PKIB: variants seen among roughly 807,000 people sequenced by gnomAD.
The protein encoded by PKIB is PKI-beta.
A neutral mutation model predicts 4.5 loss-of-function variants in PKIB; 2 were observed. The observed-to-expected ratio is 0.44, with a 90% confidence interval of 0.18 to 1.39. The LOEUF (loss-of-function observed/expected upper bound fraction) is 1.39, where lower values mean the gene tolerates loss of function less well. Ranked by LOEUF, PKIB falls within the 40% of genes most tolerant of loss-of-function variation. PKIB has a pLI of 0.27. For missense variants in PKIB, 94 were observed against 92.6 expected, an observed-to-expected ratio of 1.02 and a Z score of -0.06; for synonymous variants, 38 against 36.0, an observed-to-expected ratio of 1.06 and a Z score of -0.20.
intron 3 of PKIB, chr6:122,701,373 C>G (rs2115027714): frequency 7.5e-7 from 1 of 1,337,612 alleles, no homozygotes; most frequent in East Asian, 2.5e-5. Context: ...GAGCTCTAGC[C>G]TGAGCTCTGG....
intron 3 of PKIB, among the ~76,000 whole-genome samples, chr6:122,589,301 T>C (rs1773947794): frequency 6.6e-6 from 1 of 152,164 alleles, no homozygotes; most frequent in Non-Finnish European, 1.5e-5. Context: ...ATACCTATGT[T>C]TGGCAAAAAC....
At chr6:122,494,374 A>G (rs879372257) in intron 2 of PKIB, among the ~76,000 whole-genome samples, 1 of 152,188 alleles carries the variant, frequency 6.6e-6, no homozygotes. Context: ...ACAATATGGA[A>G]CTTCTTCCTG....
chr6:122,591,151 G>C (rs1033623834), intron 3 of PKIB, among the ~76,000 whole-genome samples: 2 of 148,124 alleles, frequency 1.4e-5, no homozygotes, highest in African/African-American at 4.9e-5. Flanking sequence ...CTTAAAAATT[G>C]TATAGCAAGG....
intron 2 of PKIB, among the ~76,000 whole-genome samples, chr6:122,638,465 G>A (rs371051185): frequency 1.3e-5 from 2 of 152,022 alleles, no homozygotes; most frequent in South Asian, 2.1e-4. Flanking sequence ...TGGCCAATGC[G>A]TTGACTCCTG....
intron 2 of PKIB, among the ~76,000 whole-genome samples, chr6:122,575,997 C>T (rs1194033206): frequency 6.6e-6 from 1 of 152,148 alleles, no homozygotes; most frequent in Non-Finnish European, 1.5e-5. Flanking sequence ...CAACAGTACA[C>T]ACTACACAAT....
chr6:122,684,956 T>C (rs535546652), intron 3 of PKIB, among the ~76,000 whole-genome samples: 98 of 152,298 alleles, frequency 6.4e-4, no homozygotes, highest in Admixed American at 3.0e-3. Flanking sequence ...AAATGTACAT[T>C]GCAATCTTAA....
At chr6:122,611,992 A>G (rs751029975) in intron 1 of PKIB, among the ~76,000 whole-genome samples, 1 of 152,198 alleles carries the variant, frequency 6.6e-6, no homozygotes, top group African/African-American at 2.4e-5. Flanking sequence ...TTAGTAATGG[A>G]CTTCTCAATC....
In PKIB at chr6:122,680,761, G is replaced by T. The variant is rs116159852; in HGVS notation, c.-9+5617G>T. Among the ~76,000 whole-genome samples, 857 of 152,214 alleles carry T rather than the reference G, an allele frequency of 5.6e-3. 9 individuals carry two copies. The highest frequency in any genetic ancestry group is 0.018 in the African/African-American group (750 of 41,528). Reference sequence around the variant, plus strand: ...ATCCCTCAGTTGAAATACTGCAATTGCCTCCTAACTCATCTCTTGAACCAA... The same window carrying T: ...ATCCCTCAGTTGAAATACTGCAATTTCCTCCTAACTCATCTCTTGAACCAA... On this transcript the variant is annotated intron_variant, in intron 3 of 4. Coordinates refer to ENST00000368452, the MANE Select transcript of PKIB (RefSeq NM_181795.3).
At chr6:122,673,552 G>C (rs1372325178) in intron 2 of PKIB, among the ~76,000 whole-genome samples, 1 of 152,204 alleles carries the variant, frequency 6.6e-6, no homozygotes, top group Non-Finnish European at 1.5e-5. Flanking sequence ...CAGACAAAGA[G>C]TGAGAGGAAG....
intron 3 of PKIB, among the ~76,000 whole-genome samples, chr6:122,705,191 G>C (rs915970190): frequency 6.6e-6 from 1 of 152,008 alleles, no homozygotes; most frequent in Non-Finnish European, 1.5e-5. Context: ...ATCTAATTTT[G>C]TGGTGCCTTT....
intron 4 of PKIB, 49 bp downstream of exon 4, chr6:122,718,012 CCAAG>C: frequency 6.4e-7 from 1 of 1,561,520 alleles, no homozygotes; most frequent in Non-Finnish European, 8.7e-7. Context: ...CCCTTCTTAA[CCAAG>C]CCTTTTCTCT....
chr6:122,639,288 A>G (rs1776039965), intron 2 of PKIB, among the ~76,000 whole-genome samples: 1 of 152,232 alleles, frequency 6.6e-6, no homozygotes, highest in Admixed American at 6.5e-5. Context: ...GGAGCAGAAC[A>G]CACAGATACC....
intron 3 of PKIB, among the ~76,000 whole-genome samples, chr6:122,710,507 T>C (rs934108225): frequency 6.6e-6 from 1 of 152,150 alleles, no homozygotes; most frequent in African/African-American, 2.4e-5. Context: ...TTGTGTACAA[T>C]AGTAGTTGGA....
At chr6:122,634,950 A>G (rs1355177487) in intron 2 of PKIB, among the ~76,000 whole-genome samples, 1 of 151,962 alleles carries the variant, frequency 6.6e-6, no homozygotes, top group Non-Finnish European at 1.5e-5. Context: ...TCAAAGAAAA[A>G]AAAAAAAAGA....
chr6:122,723,089 C>T (rs143919524), intron 4 of PKIB, among the ~76,000 whole-genome samples: 325 of 152,310 alleles, frequency 2.1e-3, no homozygotes, highest in Non-Finnish European at 3.9e-3. Context: ...GCTCCTCCTT[C>T]AGCTTTTCTT....
intron 2 of PKIB, among the ~76,000 whole-genome samples, chr6:122,562,546 A>G (rs1022332036): frequency 6.6e-6 from 1 of 152,172 alleles, no homozygotes; most frequent in African/African-American, 2.4e-5. Context: ...TCCCCCAAAT[A>G]TGTTTTCCAA....
chr6:122,633,725 A>G (rs1362391993), intron 2 of PKIB, among the ~76,000 whole-genome samples: 1 of 152,182 alleles, frequency 6.6e-6, no homozygotes, highest in Non-Finnish European at 1.5e-5. Context: ...CCTTTAAAAT[A>G]GAAGAGAAAT....
chr6:122,580,242 C>T (rs1171439248), intron 2 of PKIB, among the ~76,000 whole-genome samples: 2 of 152,034 alleles, frequency 1.3e-5, no homozygotes, highest in African/African-American at 2.4e-5. Flanking sequence ...CACGTGGAGT[C>T]TAAGCATGCA....
chr6:122,529,533 C>T lies in PKIB; in HGVS notation c.-248+51594C>T, dbSNP rs181528261. On this transcript the variant is annotated intron_variant, in intron 2 of 6. Transcript: ENST00000392491. ...ACGAGAGTACCTTATATTTTCACAT[C>T]GTGTCAAATGGCTGTCTACTATCCT... Among the ~76,000 whole-genome samples, 251 of 152,184 alleles carry T rather than the reference C, an allele frequency of 1.6e-3. 1 individual carries two copies. The highest frequency in any genetic ancestry group is 5.5e-3 in the African/African-American group (230 of 41,546).
Sources: gnomAD v4.1 joint callset for allele counts (sites outside exome capture counted in the v4.1 genomes callset) on GRCh38, gnomAD v4.1.1 for gene constraint, MANE v1.5 for transcripts, NCBI Gene and HGNC (gene_info 2026-07-23, HGNC 2026-07-21) for gene names.